Variants in REDIC1 observed in about 807,000 individuals in gnomAD.
REDIC1 encodes the protein regulator of DNA class I crossover intermediates 1.
the REDIC1 span, among the ~76,000 whole-genome samples, chr12:39,895,536 A>G: frequency 2.3e-4 from 31 of 134,308 alleles, 4 homozygotes; most frequent in African/African-American, 6.9e-4. Flanking sequence ...ATATATATAT[A>G]TATATATATA....
the REDIC1 span, among the ~76,000 whole-genome samples, chr12:39,867,275 C>A: frequency 6.6e-6 from 1 of 152,118 alleles, no homozygotes; most frequent in Non-Finnish European, 1.5e-5. Context: ...AGATGAGTCT[C>A]TTCTTTCATA....
the REDIC1 span, among the ~76,000 whole-genome samples, chr12:39,859,334 A>AT: frequency 5.3e-5 from 1 of 18,698 alleles, no homozygotes; most frequent in African/African-American, 3.7e-4. Context: ...TTTTTTTCTG[A>AT]AAAAAAAAAA....
chr12:39,888,149 C>G, the REDIC1 span, among the ~76,000 whole-genome samples: 1 of 152,156 alleles, frequency 6.6e-6, no homozygotes, highest in Non-Finnish European at 1.5e-5. Context: ...GCTTCAAATG[C>G]CCACATTCTG....
At chr12:39,803,577 C>T in the REDIC1 span, among the ~76,000 whole-genome samples, 3 of 151,922 alleles carry the variant, frequency 2.0e-5, no homozygotes, top group Admixed American at 1.3e-4. Flanking sequence ...CATACACACA[C>T]ATATATATAT....
the REDIC1 span, chr12:39,646,844 A>G: frequency 3.1e-6 from 5 of 1,592,946 alleles, no homozygotes; most frequent in Non-Finnish European, 4.3e-6. Context: ...CATTAGTGTA[A>G]ACTGTCAAAG....
At chr12:39,861,907 A>G in the REDIC1 span, among the ~76,000 whole-genome samples, 1 of 152,170 alleles carries the variant, frequency 6.6e-6, no homozygotes, top group African/African-American at 2.4e-5. Flanking sequence ...ATACATGTGC[A>G]GGACGTGCAG....
chr12:39,780,641 A>G, the REDIC1 span, among the ~76,000 whole-genome samples: 1 of 152,232 alleles, frequency 6.6e-6, no homozygotes. Context: ...AGAAGTTAAA[A>G]TATCACATAT....
chr12:39,637,008 C>G, the REDIC1 span, among the ~76,000 whole-genome samples: 1 of 151,920 alleles, frequency 6.6e-6, no homozygotes, highest in Non-Finnish European at 1.5e-5. Flanking sequence ...AGCAGAAATG[C>G]CCTGATGCGT....
chr12:39,641,084 A>C, the REDIC1 span: 1 of 1,005,020 alleles, frequency 1.0e-6, no homozygotes, highest in Non-Finnish European at 1.5e-6. Context: ...ACCTAAGTGA[A>C]ACTGGAGGCC....
the REDIC1 span, among the ~76,000 whole-genome samples, chr12:39,688,825 G>C: frequency 6.6e-6 from 1 of 152,166 alleles, no homozygotes; most frequent in African/African-American, 2.4e-5. Context: ...AGTTAAGGGA[G>C]AAGGAAGAAA....
At chr12:39,630,960 G>T in the REDIC1 span, among the ~76,000 whole-genome samples, 1 of 152,256 alleles carries the variant, frequency 6.6e-6, no homozygotes, top group South Asian at 2.1e-4. Flanking sequence ...CTCAGTGTTT[G>T]TTTTTTAACT....
the REDIC1 span, among the ~76,000 whole-genome samples, chr12:39,849,085 C>T: frequency 6.6e-6 from 1 of 151,964 alleles, no homozygotes; most frequent in African/African-American, 2.4e-5. Context: ...GAGCTTAATA[C>T]CTGGGAGATG....
chr12:39,889,693 C>A, the REDIC1 span, among the ~76,000 whole-genome samples: 1 of 151,754 alleles, frequency 6.6e-6, no homozygotes, highest in Non-Finnish European at 1.5e-5. Context: ...CCACCACGCC[C>A]GGCTAATTTT....
the REDIC1 span, among the ~76,000 whole-genome samples, chr12:39,663,812 G>A: frequency 6.6e-6 from 1 of 151,192 alleles, no homozygotes; most frequent in Non-Finnish European, 1.5e-5. Context: ...AGGTGAAAAA[G>A]TCACCAAGCA....
chr12:39,767,637 T>C, the REDIC1 span, among the ~76,000 whole-genome samples: 2 of 152,054 alleles, frequency 1.3e-5, no homozygotes, highest in African/African-American at 2.4e-5. Context: ...ATCTGTTGTT[T>C]AGTATAGCCA....
the REDIC1 span, among the ~76,000 whole-genome samples, chr12:39,699,717 T>C: frequency 6.6e-6 from 1 of 152,200 alleles, no homozygotes. Context: ...AAGAGAGCAG[T>C]GGTTCTCCCA....
At chr12:39,674,715 G>A in the REDIC1 span, among the ~76,000 whole-genome samples, 1 of 152,154 alleles carries the variant, frequency 6.6e-6, no homozygotes, top group Non-Finnish European at 1.5e-5. Flanking sequence ...GGAAGAAGCA[G>A]CTGGAAGAGC....
the REDIC1 span, among the ~76,000 whole-genome samples, chr12:39,888,627 G>C: frequency 6.6e-6 from 1 of 152,148 alleles, no homozygotes; most frequent in Non-Finnish European, 1.5e-5. Context: ...TACCTGACAG[G>C]ACAGAATTGC....
the REDIC1 span, among the ~76,000 whole-genome samples, chr12:39,712,061 C>CCT: frequency 3.5e-4 from 24 of 68,080 alleles, 1 homozygote; most frequent in Non-Finnish European, 4.8e-4. Flanking sequence ...TGTATATATA[C>CCT]ATGTATATAT....
Sources: gnomAD v4.1 joint callset for allele counts (sites outside exome capture counted in the v4.1 genomes callset) on GRCh38, gnomAD v4.1.1 for gene constraint, MANE v1.5 for transcripts, NCBI Gene and HGNC (gene_info 2026-07-23, HGNC 2026-07-21) for gene names.